The following KRT8 variants were observed in gnomAD, a reference collection of about 807,000 sequenced individuals.
KRT8 encodes the protein keratin 8, also known as keratin, type II cytoskeletal 8.
In KRT8, 24 loss-of-function variants were observed where a neutral mutation model predicts 43.0. That is an observed-to-expected ratio of 0.56 (90% CI 0.40 to 0.78). KRT8 has a LOEUF of 0.78. Ranked by LOEUF, KRT8 falls within the 30% of genes least tolerant of loss-of-function variation. The probability of loss-of-function intolerance (pLI) is 0.00; values close to 1 mark genes in which losing one functional copy is unlikely to be tolerated. For missense variants in KRT8, 492 were observed against 638.4 expected (o/e 0.77, Z 2.47); for synonymous variants, 214 against 261.2 (o/e 0.82, Z 1.74).
intron 2 of KRT8, among the ~76,000 whole-genome samples, chr12:52,919,151 T>G (rs920875616): frequency 1.3e-5 from 2 of 152,224 alleles, no homozygotes; most frequent in Non-Finnish European, 2.9e-5. Flanking sequence ...CCCTGCCTAC[T>G]GACGCCCACT....
At chr12:52,908,450 T>C (rs1414541129), upstream of KRT8, among the ~76,000 whole-genome samples, 4 of 152,336 alleles carry the variant, frequency 2.6e-5, no homozygotes, top group African/African-American at 9.6e-5. Flanking sequence ...TAATGTGGCA[T>C]ATCCATACGA....
At chr12:52,941,429 C>T (rs4919702) in intron 2 of KRT8, among the ~76,000 whole-genome samples, 150,337 of 150,438 alleles carry the variant, frequency 1, 75,118 homozygotes, top group Middle Eastern at 1. Flanking sequence ...AGTGTTCTAT[C>T]TGCGAAATCT....
exon 5 of KRT8, chr12:52,899,885 T>C: frequency 6.2e-7 from 1 of 1,612,756 alleles, no homozygotes; most frequent in Non-Finnish European, 8.5e-7. Flanking sequence ...CCAGCCAGGC[T>C]CTGCAGCTCC....
intron 7 of KRT8, among the ~76,000 whole-genome samples, chr12:52,898,202 C>T (rs1941263444): frequency 6.6e-6 from 1 of 152,148 alleles, no homozygotes. Flanking sequence ...AAATAAATCA[C>T]ATAAAACCTG....
upstream of KRT8, chr12:52,906,969 C>G: frequency 2.8e-6 from 1 of 354,450 alleles, no homozygotes; most frequent in Admixed American, 3.8e-5. Flanking sequence ...CAGACAAGCT[C>G]TCTTCACAAT....
chr12:52,923,037 G>T (rs73110471), intron 2 of KRT8, among the ~76,000 whole-genome samples: 1 of 152,068 alleles, frequency 6.6e-6, no homozygotes, highest in Non-Finnish European at 1.5e-5. Context: ...TGAGGGTTCC[G>T]TAGCCAGGCT....
intron 2 of KRT8, among the ~76,000 whole-genome samples, chr12:52,933,016 T>A (rs553537965): frequency 5.3e-5 from 8 of 152,346 alleles, no homozygotes; most frequent in Non-Finnish European, 1.2e-4. Context: ...CGATCTCAGC[T>A]CACCGCAACC....
At chr12:52,916,062 G>A (rs1941734411) in intron 2 of KRT8, among the ~76,000 whole-genome samples, 1 of 152,218 alleles carries the variant, frequency 6.6e-6, no homozygotes, top group Admixed American at 6.5e-5. Context: ...CACTGGACAG[G>A]AGCGGGATTC....
At chr12:52,902,234 G>T in intron 1 of KRT8, 162 bp from the exon 2 acceptor site, 1 of 627,564 alleles carries the variant, frequency 1.6e-6, no homozygotes, top group Non-Finnish European at 2.9e-6. Context: ...ATGACCAGGG[G>T]GAGAAAGCAT....
At chr12:52,941,719 C>T (rs1303864104) in intron 2 of KRT8, among the ~76,000 whole-genome samples, 3 of 151,882 alleles carry the variant, frequency 2.0e-5, no homozygotes, top group East Asian at 3.9e-4. Context: ...AACTCCCAAC[C>T]TCAGGTGATC....
chr12:52,949,104 C>A, intron 2 of KRT8: 1 of 1,344,880 alleles, frequency 7.4e-7, no homozygotes, highest in Non-Finnish European at 1.0e-6. Context: ...ACTCGGGTCG[C>A]GCGGCTCGCG....
upstream of KRT8, among the ~76,000 whole-genome samples, chr12:52,910,848 G>C (rs1452133742): frequency 2.0e-5 from 3 of 152,186 alleles, no homozygotes; most frequent in Non-Finnish European, 4.4e-5. Context: ...TTTTCCTGCT[G>C]GGCAACCTGA....
intron 2 of KRT8, among the ~76,000 whole-genome samples, chr12:52,930,615 CA>C (rs1314892521): frequency 6.6e-6 from 1 of 152,156 alleles, no homozygotes; most frequent in African/African-American, 2.4e-5. Flanking sequence ...GGCTGAAGTG[CA>C]GTGGCACAAT....
chr12:52,900,139 CT>C, intron 4 of KRT8, 74 bp from the exon 5 acceptor site: 2 of 1,501,372 alleles, frequency 1.3e-6, no homozygotes, highest in Non-Finnish European at 9.1e-7. Context: ...AACAGCCTTT[CT>C]TAGGGTATAA....
chr12:52,926,097 G>A (rs1184140133), intron 2 of KRT8, among the ~76,000 whole-genome samples: 1 of 151,990 alleles, frequency 6.6e-6, no homozygotes, highest in Non-Finnish European at 1.5e-5. Flanking sequence ...TGCCTGTCCT[G>A]AGACTTCTAG....
At chr12:52,918,206 A>AAGAAGAAGAAGAAGAAGAAGG (rs1565725729) in intron 2 of KRT8, among the ~76,000 whole-genome samples, 2 of 81,820 alleles carry the variant, frequency 2.4e-5, no homozygotes, top group Non-Finnish European at 2.8e-5. Context: ...GAAGAAGAAC[A>AAGAAGAAGAAGAAGAAGAAGG]AGAAGAAGAA....
At chr12:52,900,471 C>T in intron 4 of KRT8, 117 bp downstream of exon 4, 1 of 747,826 alleles carries the variant, frequency 1.3e-6, no homozygotes, top group Non-Finnish European at 2.4e-6. Context: ...AATTAGTCAG[C>T]AGTGGGCCTT....
intron 2 of KRT8, among the ~76,000 whole-genome samples, chr12:52,917,163 G>A (rs1000566070): frequency 9.9e-5 from 15 of 152,170 alleles, no homozygotes; most frequent in African/African-American, 3.6e-4. Flanking sequence ...GCTGAGGTGG[G>A]TGGATCACTT....
At chr12:52,929,910 T>G (rs2638490) in intron 2 of KRT8, among the ~76,000 whole-genome samples, 1 of 152,076 alleles carries the variant, frequency 6.6e-6, no homozygotes, top group Non-Finnish European at 1.5e-5. Flanking sequence ...ATGTCCCACC[T>G]AAGCCTCAAA....
Sources: gnomAD v4.1 joint callset for allele counts (sites outside exome capture counted in the v4.1 genomes callset) on GRCh38, gnomAD v4.1.1 for gene constraint, MANE v1.5 for transcripts, NCBI Gene and HGNC (gene_info 2026-07-23, HGNC 2026-07-21) for gene names.